AGO3: variants seen among roughly 807,000 people sequenced by gnomAD.
The protein encoded by AGO3 is argonaute RISC catalytic component 3.
Under a neutral mutation model 105.5 loss-of-function variants are expected in AGO3, and 16 were observed. That is an observed-to-expected ratio of 0.15 (90% CI 0.10 to 0.23). The LOEUF (loss-of-function observed/expected upper bound fraction) is 0.23. Ranked by LOEUF, AGO3 falls within the 10% of genes least tolerant of loss-of-function variation. The pLI is 1.00. For synonymous variants in AGO3, 340 were observed against 367.3 expected (o/e 0.93, Z 0.85); for missense variants, 534 against 1,088.0 (o/e 0.49, Z 7.16).
At chr1:35,991,535 TTA>T (rs138153778) in intron 5 of AGO3, among the ~76,000 whole-genome samples, 3,383 of 145,722 alleles carry the variant, frequency 0.023, 108 homozygotes, top group African/African-American at 0.079. Flanking sequence ...GGAGCAAATT[TTA>T]TATATATATA....
In AGO3 at chr1:35,932,589, A is replaced by C. The variant is rs527835158; in HGVS notation, c.19+1144A>C. ...TTTTTTTTTTTACAAATTTTGTTAC[A>C]TGGAAGTTTCTCTAATCAATTTAGA... On this transcript the variant is annotated intron_variant, in intron 1 of 18. Coordinates refer to ENST00000373191, the MANE Select transcript of AGO3 (RefSeq NM_024852.4). 2.1e-4 allele frequency among the ~76,000 whole-genome samples: 32 copies of C among 150,228 alleles called. 1 individual carries two copies. Among genetic ancestry groups the C allele is most frequent in the Admixed American group, 1.7e-3 (26 of 15,098 alleles).
At chr1:35,971,139 A>G (rs548952659) in intron 3 of AGO3, among the ~76,000 whole-genome samples, 1 of 137,988 alleles carries the variant, frequency 7.2e-6, no homozygotes, top group East Asian at 2.0e-4. Flanking sequence ...TTATAAATTT[A>G]TAAATATATA....
rs1029593719 is a variant in AGO3, at chr1:36,023,584, T to C, written c.1407-3530T>C. On this transcript the variant is annotated intron_variant, in intron 11 of 18. Transcript: ENST00000373191. ...GATTGCTTACAGCTTGATACTTGCC[T>C]TATTTGAACATGGTTTCAACAGTTG... Among the ~76,000 whole-genome samples the C allele has an allele frequency of 1.2e-4, 19 of 152,354 alleles. 1 individual carries two copies. The highest frequency in any genetic ancestry group is 6.8e-3 in the Middle Eastern group (2 of 294).
intron 2 of AGO3, among the ~76,000 whole-genome samples, chr1:35,948,848 A>T (rs1477138401): frequency 1.3e-5 from 2 of 152,070 alleles, no homozygotes; most frequent in Non-Finnish European, 1.5e-5. Context: ...TTTGTAATTT[A>T]AATGTTTCCA....
intron 13 of AGO3, among the ~76,000 whole-genome samples, chr1:36,035,699 C>A (rs1376155062): frequency 6.6e-6 from 1 of 152,120 alleles, no homozygotes; most frequent in Non-Finnish European, 1.5e-5. Context: ...CCTTTTCAAC[C>A]ACCAGCACCA....
At chr1:35,971,613 A>G (rs576116993) in intron 3 of AGO3, among the ~76,000 whole-genome samples, 1 of 152,036 alleles carries the variant, frequency 6.6e-6, no homozygotes, top group South Asian at 2.1e-4. Flanking sequence ...TTTCTGGTTC[A>G]TGCTTCCTGT....
rs1347303626 is a variant in AGO3 at position 36,067,084 on chromosome 1, G to GC, written c.*11340dup. 1 of 152,164 alleles carries GC rather than the reference G, an allele frequency of 6.6e-6. No homozygotes were observed. Among genetic ancestry groups the GC allele is most frequent in the African/African-American group, 2.4e-5 (1 of 41,432 alleles). 9.4% of individuals were successfully genotyped at this position (152,164 alleles called of 1,614,324 possible). The stretch of plus-strand genomic sequence containing the variant: ...AGTCTTTATCCTTAAATAGGGCCAG[G>GC]CATTGCTATCAACATAGTGTCTTTG... On this transcript the variant is annotated 3_prime_UTR_variant, in exon 19 of 19. Coordinates refer to ENST00000373191, the MANE Select transcript of AGO3 (RefSeq NM_024852.4).
At position 36,034,338 on chromosome 1, in the gene AGO3, G is replaced by A; in HGVS notation, c.1751+5G>A. 2 of 1,578,284 alleles carry A rather than the reference G, an allele frequency of 1.3e-6. No individual in the cohort carries two copies. Among genetic ancestry groups the A allele is most frequent in the Non-Finnish European group, 1.7e-6 (2 of 1,163,958 alleles). ...TATTCTTGTACCTCATCAAAGGTAA[G>A]ATATGCTAATCGCTTATGAAAATAT... On this transcript the variant is annotated splice_donor_5th_base_variant and intron_variant, in intron 13 of 18. Coordinates refer to ENST00000373191, the MANE Select transcript of AGO3 (RefSeq NM_024852.4).
chr1:36,004,604 A>C, intron 6 of AGO3, 129 bp downstream of exon 6: 1 of 829,526 alleles, frequency 1.2e-6, no homozygotes, highest in East Asian at 3.1e-5. Context: ...TCAATTATAA[A>C]ATAAAATATT....
chr1:35,973,961 CAGAG>C (rs1374961721), intron 5 of AGO3, among the ~76,000 whole-genome samples: 11 of 152,118 alleles, frequency 7.2e-5, no homozygotes, highest in African/African-American at 1.4e-4. Flanking sequence ...TATGTAAAAA[CAGAG>C]AGAGTAGTAT....
At chr1:35,990,045 TATC>T (rs760884066) in intron 5 of AGO3, among the ~76,000 whole-genome samples, 1 of 152,152 alleles carries the variant, frequency 6.6e-6, no homozygotes, top group African/African-American at 2.4e-5. Flanking sequence ...AAGTTGGTAG[TATC>T]ATCAACTGAA....
In AGO3 at chr1:36,009,074, C is replaced by T. The variant is rs74066011; in HGVS notation, c.1029+30C>T. The T allele has an allele frequency of 2.3e-3, 3,403 of 1,510,478 alleles. 142 individuals carry two copies. The African/African-American group carries it at 0.042, about 19-fold the overall frequency. 93.6% of individuals were successfully genotyped at this position (1,510,478 alleles called of 1,614,324 possible). On this transcript the variant is annotated intron_variant, in intron 8 of 18. Coordinates refer to ENST00000373191, the MANE Select transcript of AGO3 (RefSeq NM_024852.4). ...TGCCTTCACACTGCTAATTAATACC[C>T]TGTTGTTCATGATTCTTTTGGGGTC...
chr1:36,053,088 G>T (rs1055330508), intron 17 of AGO3, among the ~76,000 whole-genome samples: 3 of 152,094 alleles, frequency 2.0e-5, no homozygotes, highest in East Asian at 3.9e-4. Context: ...AGAGGAGAAA[G>T]ATTCTCTCTT....
intron 2 of AGO3, among the ~76,000 whole-genome samples, chr1:35,950,356 C>T (rs1017002106): frequency 1.3e-5 from 2 of 152,152 alleles, no homozygotes; most frequent in African/African-American, 2.4e-5. Context: ...AAATATTTGG[C>T]ACTAAGGCAT....
At chr1:36,049,000 C>A (rs1642589061) in intron 17 of AGO3, among the ~76,000 whole-genome samples, 1 of 152,220 alleles carries the variant, frequency 6.6e-6, no homozygotes, top group African/African-American at 2.4e-5. Flanking sequence ...AGCCACCAAG[C>A]CCAGCCACTG....
chr1:36,028,449 T>A (rs1424353255), intron 12 of AGO3, among the ~76,000 whole-genome samples: 2 of 125,132 alleles, frequency 1.6e-5, no homozygotes, highest in Non-Finnish European at 3.2e-5. Context: ...CCTGTGTCCA[T>A]GTGTTCTCAT....
At chr1:36,010,866 A>G (rs1640574653) in intron 9 of AGO3, among the ~76,000 whole-genome samples, 2 of 139,848 alleles carry the variant, frequency 1.4e-5, no homozygotes, top group Non-Finnish European at 3.1e-5. Flanking sequence ...GGATTGTGCC[A>G]TTGCACTCCA....
chr1:36,039,743 ATTTATT>A, intron 14 of AGO3, 41 bp from the exon 15 acceptor site: 1 of 1,149,590 alleles, frequency 8.7e-7, no homozygotes, highest in Non-Finnish European at 1.1e-6. Context: ...TTTGATTATC[ATTTATT>A]TTTATTTATT....
intron 5 of AGO3, among the ~76,000 whole-genome samples, chr1:35,987,288 A>C (rs996931207): frequency 5.9e-5 from 9 of 151,562 alleles, no homozygotes; most frequent in Non-Finnish European, 1.2e-4. Context: ...AGATCATGCC[A>C]CTGCGCTCCA....
Sources: gnomAD v4.1 joint callset for allele counts (sites outside exome capture counted in the v4.1 genomes callset) on GRCh38, gnomAD v4.1.1 for gene constraint, MANE v1.5 for transcripts, NCBI Gene and HGNC (gene_info 2026-07-23, HGNC 2026-07-21) for gene names.